APBB1IP: variants seen among roughly 807,000 people sequenced by gnomAD.
The protein encoded by APBB1IP is amyloid beta A4 precursor protein-binding family B member 1-interacting protein.
Under a neutral mutation model 64.9 loss-of-function variants are expected in APBB1IP, and 27 were observed. That is an observed-to-expected ratio of 0.42 (90% CI 0.31 to 0.57). The LOEUF is 0.57. Among genes scored for constraint, APBB1IP ranks in the 20% least tolerant of loss-of-function variants. APBB1IP has a pLI of 0.20. For synonymous variants in APBB1IP, 392 were observed against 331.0 expected (o/e 1.18, Z -2.00); for missense variants, 812 against 845.5 (o/e 0.96, Z 0.49).
At chr10:26,455,142 G>A (rs1835507738) in intron 2 of APBB1IP, among the ~76,000 whole-genome samples, 1 of 127,060 alleles carries the variant, frequency 7.9e-6, no homozygotes, top group Non-Finnish European at 1.7e-5. Context: ...GCAAATGAGA[G>A]GGATGCCAGG....
chr10:26,560,242 C>T, intron 12 of APBB1IP, 39 bp downstream of exon 12: 1 of 1,579,594 alleles, frequency 6.3e-7, no homozygotes, highest in Non-Finnish European at 8.7e-7. Flanking sequence ...CTTGAACTTG[C>T]CAGCCAACTT....
chr10:26,454,493 A>G (rs1311574489), intron 2 of APBB1IP, among the ~76,000 whole-genome samples: 1 of 152,108 alleles, frequency 6.6e-6, no homozygotes, highest in South Asian at 2.1e-4. Context: ...CTCGAAAAAA[A>G]TAAATAAATA....
chr10:26,472,934 C>CAAA (rs879867349), intron 2 of APBB1IP, among the ~76,000 whole-genome samples: 2 of 148,950 alleles, frequency 1.3e-5, no homozygotes, highest in Non-Finnish European at 3.0e-5. Context: ...GAGACTTCAT[C>CAAA]AAAAACAAAA....
intron 11 of APBB1IP, among the ~76,000 whole-genome samples, chr10:26,547,132 T>C (rs1836775690): frequency 6.6e-6 from 1 of 152,246 alleles, no homozygotes; most frequent in African/African-American, 2.4e-5. Flanking sequence ...TTGATTTGCA[T>C]TTCCTTGGTG....
intron 11 of APBB1IP, among the ~76,000 whole-genome samples, chr10:26,541,897 T>A (rs763788365): frequency 1.8e-4 from 28 of 152,238 alleles, no homozygotes; most frequent in Non-Finnish European, 3.5e-4. Context: ...AAGGTAACTC[T>A]GTCTGGGGAT....
intron 13 of APBB1IP, chr10:26,562,037 T>C (rs1836979110): frequency 3.6e-6 from 1 of 279,504 alleles, no homozygotes; most frequent in Admixed American, 4.8e-5. Context: ...GTCCAGACCC[T>C]CCTCAGTGGG....
Position 26,548,962 on chromosome 10 carries a change from G to T in APBB1IP, c.1155+7270G>T, listed in dbSNP as rs144254890. On this transcript the variant is annotated intron_variant, in intron 11 of 14. Transcript: ENST00000376236. ...CTTCTAATTTTTTCCCATTCAGGGT[G>T]ATGTTGGCTGTGGGTTTAACATATA... Among the ~76,000 whole-genome samples the T allele has an allele frequency of 1.3e-3, 198 of 152,326 alleles. 1 individual carries two copies. The highest frequency in any genetic ancestry group is 6.8e-3 in the Middle Eastern group (2 of 294).
chr10:26,520,673 G>A (rs927888079), intron 8 of APBB1IP, among the ~76,000 whole-genome samples: 6 of 152,174 alleles, frequency 3.9e-5, no homozygotes, highest in African/African-American at 1.2e-4. Context: ...TTCCACTGGT[G>A]ACTGGAAATG....
chr10:26,447,714 A>G (rs1221467701), intron 2 of APBB1IP, among the ~76,000 whole-genome samples: 1 of 152,096 alleles, frequency 6.6e-6, no homozygotes, highest in African/African-American at 2.4e-5. Context: ...AAACAGTAAA[A>G]AGAACCATGA....
chr10:26,460,086 T>C (rs1564350741), intron 2 of APBB1IP, among the ~76,000 whole-genome samples: 1 of 152,194 alleles, frequency 6.6e-6, no homozygotes, highest in Non-Finnish European at 1.5e-5. Flanking sequence ...TGCTAAATTC[T>C]TAATTACAGT....
chr10:26,522,971 T>A (rs1446343739), intron 8 of APBB1IP, among the ~76,000 whole-genome samples: 4 of 125,336 alleles, frequency 3.2e-5, no homozygotes, highest in African/African-American at 1.3e-4. Context: ...GCCATTGCAC[T>A]CCAGCCTGGG....
intron 14 of APBB1IP, among the ~76,000 whole-genome samples, chr10:26,565,521 AG>A (rs1268195564): frequency 6.6e-6 from 1 of 152,236 alleles, no homozygotes; most frequent in Non-Finnish European, 1.5e-5. Context: ...GTTCCAAGGA[AG>A]TGATACTCAT....
chr10:26,492,209 C>A, intron 2 of APBB1IP, 118 bp from the exon 3 acceptor site: 1 of 819,162 alleles, frequency 1.2e-6, no homozygotes, highest in Admixed American at 2.3e-5. Context: ...TCAATATAGT[C>A]CTCTCCCAAC....
chr10:26,538,231 A>G lies in APBB1IP; in HGVS notation c.1044+2014A>G, dbSNP rs374649322. ...TAATGCAAAAGAATCCATGCAGACT[A>G]GAAACAGAAAATGCAAAATACCTAA... On this transcript the variant is annotated intron_variant, in intron 10 of 14. Transcript: ENST00000376236. Among the ~76,000 whole-genome samples the G allele has an allele frequency of 2.6e-5, 4 of 152,346 alleles. No individual in the cohort carries two copies. In the East Asian group the frequency reaches 7.7e-4, roughly 29 times the overall value.
rs1554774285 is a variant in APBB1IP, at chr10:26,476,463, A to AG, written c.1-15864_1-15863insG. On this transcript the variant is annotated intron_variant, in intron 2 of 14. Transcript: ENST00000376236. ...CCCTGTCTCAAAAAAAAAAAAAAAA[A>AG]AAGAAGAAAAGAAAAGAAAGGAAAA... Among the ~76,000 whole-genome samples, 1,438 of 149,334 alleles carry AG rather than the reference A, an allele frequency of 9.6e-3. 29 individuals carry two copies. Among genetic ancestry groups the AG allele is most frequent in the African/African-American group, 0.034 (1,343 of 39,964 alleles).
chr10:26,504,451 T>C (rs1836147064), intron 6 of APBB1IP, among the ~76,000 whole-genome samples: 1 of 152,196 alleles, frequency 6.6e-6, no homozygotes, highest in African/African-American at 2.4e-5. Context: ...GGCTCATGCC[T>C]GTAATCCCAA....
Position 26,513,566 on chromosome 10 carries a change from T to C in APBB1IP, c.719T>C (p.Val240Ala). ...AGGTTTTTTGAAGACCATGAAAATG[T>C]TGTTGAAGTCTTATCAGACTGGACA... ...IERFFEDHEN[V>A]VEVLSDWTRD... Residue 240 changes from valine to alanine, a missense_variant, in exon 8 of 15, where the codon GTT becomes GCT. Coordinates refer to ENST00000376236, the MANE Select transcript of APBB1IP (RefSeq NM_019043.4). The C allele has an allele frequency of 6.2e-7, 1 of 1,612,442 alleles. No homozygotes were observed. The highest frequency in any genetic ancestry group is 8.5e-7 in the Non-Finnish European group (1 of 1,179,668).
At chr10:26,562,116 C>T (rs1836980343) in intron 13 of APBB1IP, 2 of 457,414 alleles carry the variant, frequency 4.4e-6, no homozygotes, top group East Asian at 8.4e-5. Flanking sequence ...TGTCACAGAA[C>T]CTCAGATTTT....
At chr10:26,493,033 C>T (rs867600317) in intron 3 of APBB1IP, among the ~76,000 whole-genome samples, 13 of 152,156 alleles carry the variant, frequency 8.5e-5, no homozygotes, top group Admixed American at 5.9e-4. Context: ...GAGGCCCCCC[C>T]GGGAATGCAT....
Sources: allele counts gnomAD v4.1 joint callset (sites outside exome capture counted in the v4.1 genomes callset), GRCh38; gene constraint gnomAD v4.1.1; transcripts MANE v1.5; gene names NCBI Gene and HGNC (gene_info 2026-07-23, HGNC 2026-07-21).